ZFHX3: variants seen among roughly 807,000 people sequenced by gnomAD.
The protein encoded by ZFHX3 is zinc finger homeobox 3, also known as zinc finger homeobox protein 3.
In ZFHX3, 42 loss-of-function variants were observed where a neutral mutation model predicts 279.1. The ratio of observed to expected loss-of-function variants is 0.15; its 90% CI spans 0.12 to 0.19. The LOEUF (loss-of-function observed/expected upper bound fraction) is 0.19. Ranked by LOEUF, ZFHX3 falls within the 10% of genes least tolerant of loss-of-function variation. ZFHX3 has a pLI of 1.00. For missense variants in ZFHX3, 4,981 were observed against 4,754.0 expected, an observed-to-expected ratio of 1.05 and a Z score of -1.40; for synonymous variants, 2,293 against 1,957.8, an observed-to-expected ratio of 1.17 and a Z score of -4.52.
chr16:72,894,173 A>G (rs900473246), intron 3 of ZFHX3, among the ~76,000 whole-genome samples: 3 of 151,604 alleles, frequency 2.0e-5, no homozygotes, highest in East Asian at 3.9e-4. Context: ...AAAATCCAGA[A>G]TAAACTATAT....
At chr16:73,226,139 T>C (rs990808584) in intron 5 of ZFHX3, among the ~76,000 whole-genome samples, 2 of 152,176 alleles carry the variant, frequency 1.3e-5, no homozygotes, top group African/African-American at 4.8e-5. Flanking sequence ...GTGGAAACAC[T>C]CAGGTCAGTC....
chr16:72,937,269 G>C (rs1480984226), intron 3 of ZFHX3, among the ~76,000 whole-genome samples: 1 of 152,188 alleles, frequency 6.6e-6, no homozygotes, highest in Non-Finnish European at 1.5e-5. Flanking sequence ...GAGATACTTA[G>C]GGAGAGTTAC....
At chr16:73,518,164 G>A (rs1324057629) in intron 2 of ZFHX3, among the ~76,000 whole-genome samples, 1 of 152,074 alleles carries the variant, frequency 6.6e-6, no homozygotes, top group Non-Finnish European at 1.5e-5. Flanking sequence ...CTACCATATT[G>A]GACAGGTCTC....
intron 3 of ZFHX3, among the ~76,000 whole-genome samples, chr16:72,895,521 C>T (rs2038877699): frequency 6.6e-6 from 1 of 152,190 alleles, no homozygotes; most frequent in South Asian, 2.1e-4. Flanking sequence ...AACTCACTTG[C>T]TTGTTTAGAA....
intron 1 of ZFHX3, among the ~76,000 whole-genome samples, chr16:72,963,503 T>C (rs893944366): frequency 4.6e-5 from 7 of 152,200 alleles, no homozygotes; most frequent in Non-Finnish European, 7.3e-5. Context: ...AAAGGTAATC[T>C]TGTACAGAAG....
rs150003724 is a variant in ZFHX3 at position 73,149,570 on chromosome 16, G to A, written c.-1103-5739C>T. ...AGTCCTCTCTTGCTCAGTCATTTTC[G>A]GCACTTTGCGTTGGTGTTTATTGCT... is the stretch of plus-strand genomic sequence containing the variant. On this transcript the variant is annotated intron_variant, in intron 5 of 17. Transcript: ENST00000641206. 6.7e-3 allele frequency among the ~76,000 whole-genome samples: 1,017 copies of A among 152,104 alleles called. 5 individuals are homozygous for A. The highest frequency in any genetic ancestry group is 0.012 in the Non-Finnish European group (849 of 68,012).
chr16:73,700,536 C>G (rs888458640), intron 1 of ZFHX3, among the ~76,000 whole-genome samples: 5 of 152,134 alleles, frequency 3.3e-5, no homozygotes, highest in Non-Finnish European at 7.3e-5. Context: ...CACCTAAAGT[C>G]TATTATGTAA....
At chr16:73,585,901 C>G (rs575121076) in intron 2 of ZFHX3, among the ~76,000 whole-genome samples, 6 of 152,076 alleles carry the variant, frequency 3.9e-5, no homozygotes, top group Admixed American at 2.6e-4. Flanking sequence ...AGGCATTTAA[C>G]TTCCAAAGTA....
intron 3 of ZFHX3, among the ~76,000 whole-genome samples, chr16:72,932,382 G>T (rs1959863181): frequency 6.6e-6 from 1 of 151,970 alleles, no homozygotes; most frequent in Non-Finnish European, 1.5e-5. Context: ...AGCTGGACTT[G>T]AATCACTTTC....
rs776393466 is a variant in ZFHX3 at position 72,787,809 on chromosome 16, G to A, written c.10467C>T (p.Phe3489=). ...GCAGGTTCACCACAGACTGGCCGAA[G>A]AAGCAGAGGGACTTCAGGTGGCTCC... ...AARSHLKSLC[F]FGQSVVNLQE... The change falls in exon 10 of 10, where the codon TTC becomes TTT. Residue 3489 remains phenylalanine, a synonymous_variant. Transcript: ENST00000268489. The A allele has an allele frequency of 3.1e-6, 5 of 1,613,488 alleles. No homozygotes were observed. Among genetic ancestry groups the A allele is most frequent in the Non-Finnish European group, 3.4e-6 (4 of 1,179,858 alleles).
intron 1 of ZFHX3, among the ~76,000 whole-genome samples, chr16:73,778,512 C>G (rs1959341825): frequency 6.6e-6 from 1 of 152,182 alleles, no homozygotes; most frequent in Admixed American, 6.5e-5. Context: ...GTGGTAGCAG[C>G]AATATGTATT....
chr16:73,881,738 G>A (rs2030173718), intron 1 of ZFHX3, among the ~76,000 whole-genome samples: 1 of 151,888 alleles, frequency 6.6e-6, no homozygotes, highest in Non-Finnish European at 1.5e-5. Flanking sequence ...ATATATATGT[G>A]TGTGTGCGTA....
chr16:73,756,558 G>A (rs2053811051), intron 1 of ZFHX3, among the ~76,000 whole-genome samples: 1 of 152,116 alleles, frequency 6.6e-6, no homozygotes, highest in South Asian at 2.1e-4. Flanking sequence ...CCCTTCACTG[G>A]GGAGGGAGAC....
Position 73,070,691 on chromosome 16 carries a change from A to G in ZFHX3, c.-532-11679T>C, listed in dbSNP as rs149868257. On this transcript the variant is annotated intron_variant, in intron 8 of 17. Coordinates refer to the ZFHX3 transcript ENST00000641206. The stretch of plus-strand genomic sequence containing the variant: ...GCAAGGACCACGTGACCAATCCAGA[A>G]GGAAATGCTGACATCATTGTCTCTC... Among the ~76,000 whole-genome samples, 3 of 151,538 alleles carry G rather than the reference A, an allele frequency of 2.0e-5. No individual in the cohort carries two copies. In the East Asian group the frequency reaches 5.9e-4, roughly 30 times the overall value.
intron 5 of ZFHX3, among the ~76,000 whole-genome samples, chr16:73,254,451 C>T (rs373043548): frequency 6.6e-6 from 1 of 151,770 alleles, no homozygotes; most frequent in Non-Finnish European, 1.5e-5. Flanking sequence ...GGGTTAGTAA[C>T]TGAAAAGTGT....
intron 3 of ZFHX3, among the ~76,000 whole-genome samples, chr16:73,370,040 G>C (rs2016597894): frequency 6.6e-6 from 1 of 152,174 alleles, no homozygotes; most frequent in South Asian, 2.1e-4. Context: ...GTAATGTCAA[G>C]GCCAAAGTTT....
chr16:73,568,373 C>A (rs1475833152), intron 2 of ZFHX3, among the ~76,000 whole-genome samples: 4 of 152,086 alleles, frequency 2.6e-5, no homozygotes, highest in African/African-American at 9.7e-5. Flanking sequence ...GTAACAGCCC[C>A]TAAATAAGGC....
At chr16:73,694,987 A>G (rs1167426192) in intron 1 of ZFHX3, among the ~76,000 whole-genome samples, 1 of 152,246 alleles carries the variant, frequency 6.6e-6, no homozygotes, top group African/African-American at 2.4e-5. Context: ...GTTGAGAGCC[A>G]CGGTGTGGCT....
At chr16:73,886,233 T>A (rs960028148) in intron 1 of ZFHX3, among the ~76,000 whole-genome samples, 5 of 152,092 alleles carry the variant, frequency 3.3e-5, no homozygotes, top group Non-Finnish European at 7.4e-5. Context: ...TCTAAAGCAT[T>A]TACTATAAAT....
Sources: allele counts gnomAD v4.1 joint callset (sites outside exome capture counted in the v4.1 genomes callset), GRCh38; gene constraint gnomAD v4.1.1; transcripts MANE v1.5; gene names NCBI Gene and HGNC (gene_info 2026-07-23, HGNC 2026-07-21).